The following RNLS variants were observed in gnomAD, a reference collection of about 807,000 sequenced individuals.
RNLS encodes renalase.
In RNLS, 39 loss-of-function variants were observed where a neutral mutation model predicts 39.8. That is an observed-to-expected ratio of 0.98 (90% CI 0.76 to 1.28). The LOEUF is 1.28. RNLS is among the 50% of genes most tolerant of loss of function. The probability of loss-of-function intolerance (pLI) is 0.00; values close to 1 mark genes in which losing one functional copy is unlikely to be tolerated. For missense variants in RNLS, 410 were observed against 413.3 expected, an observed-to-expected ratio of 0.99 and a Z score of 0.07; for synonymous variants, 147 against 150.7, an observed-to-expected ratio of 0.98 and a Z score of 0.18.
the RNLS span, among the ~76,000 whole-genome samples, chr10:88,239,807 C>A: frequency 6.6e-6 from 1 of 152,226 alleles, no homozygotes; most frequent in African/African-American, 2.4e-5. Flanking sequence ...CTGGGACTTA[C>A]ATGGTTATCA....
chr10:88,235,215 C>T, the RNLS span, among the ~76,000 whole-genome samples: 1 of 144,524 alleles, frequency 6.9e-6, no homozygotes. Context: ...TTGCAGTGAG[C>T]CGAGATTGCG....
rs149006088 is a variant in RNLS, at chr10:88,278,239, A to G, written c.877-3207T>C. ...CTTGCCAATTTTTTTTTTCTCCACA[A>G]CGGTCTCTGTATCACTAACATTCAG... On this transcript the variant is annotated intron_variant, in intron 6 of 6. Coordinates refer to the RNLS transcript ENST00000371947. Among the ~76,000 whole-genome samples, 5 of 152,188 alleles carry G rather than the reference A, an allele frequency of 3.3e-5. No individual in the cohort carries two copies. In the East Asian group the frequency reaches 9.7e-4, roughly 29 times the overall value.
chr10:88,346,518 T>G (rs566523932), intron 5 of RNLS, among the ~76,000 whole-genome samples: 1 of 152,332 alleles, frequency 6.6e-6, no homozygotes, highest in African/African-American at 2.4e-5. Flanking sequence ...GAAGAGCTTA[T>G]TCATTTTATG....
intron 4 of RNLS, among the ~76,000 whole-genome samples, chr10:88,474,892 G>A (rs1843724948): frequency 6.6e-6 from 1 of 152,052 alleles, no homozygotes; most frequent in African/African-American, 2.4e-5. Flanking sequence ...CTGAGACTGG[G>A]GAAAAGCAGG....
chr10:88,495,500 T>C (rs1265479986), intron 4 of RNLS, among the ~76,000 whole-genome samples: 1 of 152,156 alleles, frequency 6.6e-6, no homozygotes, highest in Non-Finnish European at 1.5e-5. Context: ...GTGTATATAA[T>C]ACATCTGCTC....
At chr10:88,312,494 G>C (rs1193712984) in intron 6 of RNLS, among the ~76,000 whole-genome samples, 4 of 152,120 alleles carry the variant, frequency 2.6e-5, no homozygotes, top group African/African-American at 4.8e-5. Context: ...CCAAGTTTTT[G>C]AGAATTTGTT....
intron 4 of RNLS, among the ~76,000 whole-genome samples, chr10:88,375,232 A>C (rs1850883480): frequency 6.6e-6 from 1 of 152,092 alleles, no homozygotes; most frequent in South Asian, 2.1e-4. Context: ...GAACAAAAAA[A>C]CCCCAAAATA....
chr10:88,569,344 G>C (rs1849699487), intron 4 of RNLS, among the ~76,000 whole-genome samples: 1 of 151,338 alleles, frequency 6.6e-6, no homozygotes, highest in African/African-American at 2.4e-5. Context: ...TAACAGCAAA[G>C]TTGTGAGAAA....
the RNLS span, among the ~76,000 whole-genome samples, chr10:88,227,711 C>T: frequency 6.6e-6 from 1 of 152,222 alleles, no homozygotes; most frequent in African/African-American, 2.4e-5. Flanking sequence ...AATGATAATT[C>T]TGCTGCCTAT....
At chr10:88,480,886 A>G (rs1311662974) in intron 4 of RNLS, among the ~76,000 whole-genome samples, 4 of 152,050 alleles carry the variant, frequency 2.6e-5, no homozygotes, top group Non-Finnish European at 5.9e-5. Context: ...AGATATGACT[A>G]GTGACAACCA....
the RNLS span, among the ~76,000 whole-genome samples, chr10:88,260,298 G>T: frequency 6.6e-6 from 1 of 152,200 alleles, no homozygotes; most frequent in African/African-American, 2.4e-5. Context: ...AAGCTATGCA[G>T]ATGGACAGGT....
chr10:88,418,549 GT>G lies in RNLS; in HGVS notation c.527-55825del, dbSNP rs1333721442. Among the ~76,000 whole-genome samples, 12 of 152,290 alleles carry G rather than the reference GT, an allele frequency of 7.9e-5. No homozygotes were observed. In the East Asian group the frequency reaches 2.1e-3, roughly 27 times the overall value. On this transcript the variant is annotated intron_variant, in intron 4 of 6. Transcript: ENST00000331772. ...TCAACTTTAGCCATCCAAAATGGCT[GT>G]TTGTTTCATCAAAGCCTTACAAAAT...
At chr10:88,322,546 CAT>C (rs1374235466) in intron 5 of RNLS, among the ~76,000 whole-genome samples, 2 of 152,176 alleles carry the variant, frequency 1.3e-5, no homozygotes, top group African/African-American at 4.8e-5. Flanking sequence ...GGTGCTCTCT[CAT>C]GTGCTGCCAT....
At chr10:88,315,807 T>C (rs1269808922) in intron 5 of RNLS, among the ~76,000 whole-genome samples, 2 of 151,304 alleles carry the variant, frequency 1.3e-5, no homozygotes, top group Non-Finnish European at 2.9e-5. Context: ...AATAAGTTAG[T>C]AGCCACCACA....
intron 4 of RNLS, among the ~76,000 whole-genome samples, chr10:88,440,450 T>C (rs1480331439): frequency 2.0e-5 from 3 of 152,222 alleles, no homozygotes; most frequent in Non-Finnish European, 4.4e-5. Context: ...GAAAGAAAAG[T>C]GCTACTCACT....
At chr10:88,266,862 T>A in the RNLS span, among the ~76,000 whole-genome samples, 1 of 37,814 alleles carries the variant, frequency 2.6e-5, no homozygotes, top group Non-Finnish European at 4.3e-5. Context: ...GGTAGCTGGC[T>A]GCTGGTGTCA....
chr10:88,265,023 G>C, the RNLS span, among the ~76,000 whole-genome samples: 1 of 152,180 alleles, frequency 6.6e-6, no homozygotes, highest in African/African-American at 2.4e-5. Context: ...CAAGGTGAGA[G>C]ATGAGGATCC....
chr10:88,470,922 T>C (rs763631142), intron 4 of RNLS, among the ~76,000 whole-genome samples: 5 of 152,148 alleles, frequency 3.3e-5, no homozygotes, highest in Non-Finnish European at 5.9e-5. Context: ...CCTGTAATTT[T>C]AATTTTTAAA....
chr10:88,284,007 A>C, downstream of RNLS: 1 of 461,414 alleles, frequency 2.2e-6, no homozygotes, highest in Non-Finnish European at 2.8e-6. Context: ...TATGGGCGAA[A>C]ATAACAAAAA....
Sources: allele counts gnomAD v4.1 joint callset (sites outside exome capture counted in the v4.1 genomes callset), GRCh38; gene constraint gnomAD v4.1.1; transcripts MANE v1.5; gene names NCBI Gene and HGNC (gene_info 2026-07-23, HGNC 2026-07-21).